The following FRMD5 variants were observed in gnomAD, a reference collection of about 807,000 sequenced individuals.
FRMD5 encodes FERM domain-containing protein 5.
Under a neutral mutation model 69.0 loss-of-function variants are expected in FRMD5, and 20 were observed. The ratio of observed to expected loss-of-function variants is 0.29; its 90% CI spans 0.20 to 0.42. FRMD5 has a LOEUF of 0.42. Among genes scored for constraint, FRMD5 ranks in the 10% least tolerant of loss-of-function variants. The pLI is 1.00. For missense variants in FRMD5, 595 were observed against 708.6 expected, an observed-to-expected ratio of 0.84 and a Z score of 1.82; for synonymous variants, 271 against 260.1, an observed-to-expected ratio of 1.04 and a Z score of -0.40.
At chr15:44,039,554 A>G (rs1892093577) in intron 1 of FRMD5, among the ~76,000 whole-genome samples, 1 of 152,192 alleles carries the variant, frequency 6.6e-6, no homozygotes, top group Admixed American at 6.5e-5. Context: ...GACCTCCATC[A>G]AACTCCAGCA....
chr15:44,051,597 A>G (rs1892669261), intron 1 of FRMD5, among the ~76,000 whole-genome samples: 1 of 152,040 alleles, frequency 6.6e-6, no homozygotes, highest in South Asian at 2.1e-4. Context: ...ACATTTCCTT[A>G]GTTCTAACCT....
At chr15:44,169,748 T>C (rs913689506) in intron 1 of FRMD5, among the ~76,000 whole-genome samples, 2 of 152,202 alleles carry the variant, frequency 1.3e-5, no homozygotes, top group African/African-American at 4.8e-5. Context: ...TAGCTATTTA[T>C]ATATAATTTC....
intron 7 of FRMD5, among the ~76,000 whole-genome samples, chr15:43,894,910 A>G (rs2088878885): frequency 1.3e-5 from 2 of 152,132 alleles, no homozygotes; most frequent in African/African-American, 4.8e-5. Flanking sequence ...CCTACCTCAT[A>G]GGTTATGTTT....
intron 1 of FRMD5, among the ~76,000 whole-genome samples, chr15:44,132,762 G>GTATT (rs35052039): frequency 0.79 from 118,021 of 150,076 alleles, 49,157 homozygotes; most frequent in Non-Finnish European, 0.91. Flanking sequence ...ATGTATGTAT[G>GTATT]TATTTATTTT....
At chr15:44,079,008 G>A (rs950293083) in intron 1 of FRMD5, among the ~76,000 whole-genome samples, 3 of 152,054 alleles carry the variant, frequency 2.0e-5, no homozygotes, top group Non-Finnish European at 4.4e-5. Context: ...GAAAATATTT[G>A]CAAATCACAT....
chr15:44,093,886 G>A lies in FRMD5; in HGVS notation c.102+101067C>T, dbSNP rs28480501. Among the ~76,000 whole-genome samples the A allele has an allele frequency of 9.8e-3, 1,482 of 151,916 alleles. 31 individuals carry two copies. The highest frequency in any genetic ancestry group is 0.035 in the African/African-American group (1,433 of 41,426). ...CACGCCCGGCCCCTAATATCTTAAT[G>A]GAGCAATACAACCCAGCCCCACTGA... On this transcript the variant is annotated intron_variant, in intron 1 of 13. Transcript: ENST00000417257.
chr15:43,988,820 G>A (rs867157864), intron 1 of FRMD5, among the ~76,000 whole-genome samples: 2 of 152,094 alleles, frequency 1.3e-5, no homozygotes, highest in South Asian at 4.2e-4. Flanking sequence ...CACGATATTT[G>A]GAATGACTAT....
Position 43,874,342 on chromosome 15 carries a change from A to T in FRMD5, c.1256T>A (p.Ile419Asn), listed in dbSNP as rs201876553. The change falls in exon 14 of 14, where the codon ATT (isoleucine) becomes AAT (asparagine). Residue 419 changes from isoleucine to asparagine, a missense_variant. Transcript: ENST00000417257. ...TGCAGGGCTGTAGGCCTCGTCTGCA[A>T]TCACAGCTACTCGCTCATTGCTATC... ...RTDSNERVAV[I>N]ADEAYSPADS... The T allele has an allele frequency of 2.5e-6, 4 of 1,614,224 alleles. No individual in the cohort carries two copies. In the Admixed American group the frequency reaches 6.7e-5, roughly 27 times the overall value.
chr15:44,133,146 G>A (rs1027789655), intron 1 of FRMD5, among the ~76,000 whole-genome samples: 7 of 151,716 alleles, frequency 4.6e-5, no homozygotes, highest in African/African-American at 1.5e-4. Flanking sequence ...CCAGGGAGTC[G>A]GAGATTGCAG....
chr15:44,122,130 A>T (rs2615293), intron 1 of FRMD5, among the ~76,000 whole-genome samples: 125,527 of 152,182 alleles, frequency 0.82, 54,568 homozygotes, highest in Non-Finnish European at 0.95. Context: ...CATTAAAAAA[A>T]CGTAACAAAC....
intron 1 of FRMD5, among the ~76,000 whole-genome samples, chr15:44,149,974 A>AT (rs1431120463): frequency 3.9e-5 from 6 of 152,278 alleles, no homozygotes; most frequent in South Asian, 2.1e-4. Flanking sequence ...ACCAAGTTAG[A>AT]TTTTTTTCCT....
Position 43,874,332 on chromosome 15 carries a change from C to T in FRMD5, c.1266G>A (p.Glu422=), listed in dbSNP as rs1283021180. 3 of 1,614,116 alleles carry T rather than the reference C, an allele frequency of 1.9e-6. No homozygotes were observed. Among genetic ancestry groups the T allele is most frequent in the Non-Finnish European group, 2.5e-6 (3 of 1,180,052 alleles). The change falls in exon 14 of 14, where the codon GAG becomes GAA. Residue 422 remains glutamate, a synonymous_variant. Transcript: ENST00000417257. ...SNERVAVIAD[E]AYSPADSVLP... ...GCACGCTGTCTGCAGGGCTGTAGGCCTCGTCTGCAATCACAGCTACTCGCT... is the reference window on the plus strand; with the variant it reads ...GCACGCTGTCTGCAGGGCTGTAGGCTTCGTCTGCAATCACAGCTACTCGCT...
chr15:44,131,380 A>G (rs1179635821), intron 1 of FRMD5, among the ~76,000 whole-genome samples: 1 of 102,024 alleles, frequency 9.8e-6, no homozygotes, highest in Non-Finnish European at 2.1e-5. Flanking sequence ...TGTGGAAAAC[A>G]ATACGGCAAT....
At chr15:43,947,137 T>A (rs1372000634) in intron 1 of FRMD5, among the ~76,000 whole-genome samples, 2 of 152,258 alleles carry the variant, frequency 1.3e-5, no homozygotes, top group African/African-American at 4.8e-5. Context: ...AAGCAACTTC[T>A]GTTTCATTGT....
chr15:43,921,426 AAAG>A (rs1427142707), intron 2 of FRMD5, among the ~76,000 whole-genome samples: 10 of 152,214 alleles, frequency 6.6e-5, no homozygotes, highest in South Asian at 6.2e-4. Flanking sequence ...CAATAGCTAG[AAAG>A]AAGATTTTAG....
chr15:44,028,157 T>C (rs1891521940), intron 1 of FRMD5, among the ~76,000 whole-genome samples: 1 of 152,144 alleles, frequency 6.6e-6, no homozygotes, highest in African/African-American at 2.4e-5. Flanking sequence ...AAACAGTAGT[T>C]TATAAGCGAA....
At chr15:44,113,101 C>G (rs565208883) in intron 1 of FRMD5, among the ~76,000 whole-genome samples, 5 of 152,158 alleles carry the variant, frequency 3.3e-5, no homozygotes, top group Admixed American at 6.5e-5. Flanking sequence ...TCAAAGGGTA[C>G]CAAACTTGCA....
chr15:43,896,571 C>G (rs2088915154), intron 7 of FRMD5, among the ~76,000 whole-genome samples: 1 of 152,210 alleles, frequency 6.6e-6, no homozygotes, highest in Non-Finnish European at 1.5e-5. Flanking sequence ...TCACTCTGCC[C>G]AGGAAAGGAT....
intron 1 of FRMD5, among the ~76,000 whole-genome samples, chr15:43,966,233 G>T (rs1275208566): frequency 6.6e-6 from 1 of 151,930 alleles, no homozygotes; most frequent in African/African-American, 2.4e-5. Context: ...TAGCCGGGGC[G>T]TGGTGGTGCA....
Sources: allele counts gnomAD v4.1 joint callset (sites outside exome capture counted in the v4.1 genomes callset), GRCh38; gene constraint gnomAD v4.1.1; transcripts MANE v1.5; gene names NCBI Gene and HGNC (gene_info 2026-07-23, HGNC 2026-07-21).